DPP10: variants seen among roughly 807,000 people sequenced by gnomAD.
DPP10 encodes inactive dipeptidyl peptidase 10.
DPP10 carries 33 observed loss-of-function variants against 120.9 expected under a neutral mutation model. The observed-to-expected ratio is 0.27, with a 90% CI of 0.21 to 0.37. The LOEUF is 0.37. Ranked by LOEUF, DPP10 falls within the 10% of genes least tolerant of loss-of-function variation. The pLI is 1.00. For synonymous variants in DPP10, 337 were observed against 326.1 expected (o/e 1.03, Z -0.36); for missense variants, 816 against 942.8 (o/e 0.87, Z 1.76).
intron 2 of DPP10, among the ~76,000 whole-genome samples, chr2:115,334,696 C>T (rs1267685684): frequency 1.3e-5 from 2 of 151,768 alleles, no homozygotes; most frequent in African/African-American, 2.4e-5. Context: ...AGAGATATTT[C>T]AAGAGAATGA....
At chr2:115,040,646 G>A (rs1317924919) in intron 1 of DPP10, among the ~76,000 whole-genome samples, 1 of 151,896 alleles carries the variant, frequency 6.6e-6, no homozygotes, top group Non-Finnish European at 1.5e-5. Context: ...GGGGCCTGGT[G>A]GGAGGTGACT....
chr2:114,547,354 G>C (rs949696941), intron 1 of DPP10, among the ~76,000 whole-genome samples: 2 of 152,186 alleles, frequency 1.3e-5, no homozygotes, highest in African/African-American at 2.4e-5. Flanking sequence ...GGCATGGGAG[G>C]CATCGGGGTT....
chr2:114,587,827 A>T (rs1438085846), intron 1 of DPP10, among the ~76,000 whole-genome samples: 1 of 152,224 alleles, frequency 6.6e-6, no homozygotes, highest in Non-Finnish European at 1.5e-5. Flanking sequence ...TAAACTAAAA[A>T]TACTAGAAAC....
At chr2:115,798,770 C>T (rs1361744083) in intron 19 of DPP10, among the ~76,000 whole-genome samples, 2 of 152,122 alleles carry the variant, frequency 1.3e-5, no homozygotes, top group Non-Finnish European at 2.9e-5. Context: ...TTTTAATCAA[C>T]GTTTTGATTT....
intron 1 of DPP10, among the ~76,000 whole-genome samples, chr2:115,051,132 C>G (rs1705448563): frequency 6.6e-6 from 1 of 152,120 alleles, no homozygotes; most frequent in Admixed American, 6.6e-5. Context: ...ATTCCATGCA[C>G]AGGAAAAGAA....
At chr2:115,368,672 G>T (rs555513287) in intron 3 of DPP10, among the ~76,000 whole-genome samples, 9 of 151,666 alleles carry the variant, frequency 5.9e-5, no homozygotes, top group African/African-American at 1.9e-4. Flanking sequence ...GTTTTTTCAC[G>T]ATCAAGTGAC....
At chr2:115,108,647 G>GA (rs983080131) in intron 1 of DPP10, among the ~76,000 whole-genome samples, 1 of 151,176 alleles carries the variant, frequency 6.6e-6, no homozygotes, top group African/African-American at 2.4e-5. Flanking sequence ...ACCAAAGTCT[G>GA]AAAAAAAAAT....
chr2:114,796,260 C>T (rs1683702443), intron 1 of DPP10, among the ~76,000 whole-genome samples: 1 of 152,118 alleles, frequency 6.6e-6, no homozygotes, highest in Admixed American at 6.6e-5. Flanking sequence ...AATGTCATGA[C>T]ATTACAAGAA....
chr2:115,342,201 G>C (rs948928494), intron 2 of DPP10: 11 of 448,162 alleles, frequency 2.5e-5, no homozygotes, highest in Admixed American at 1.9e-4. Context: ...GTGTGTGTGT[G>C]TGTAATTTGT....
At chr2:114,928,178 C>T (rs1230990866) in intron 1 of DPP10, among the ~76,000 whole-genome samples, 1 of 152,224 alleles carries the variant, frequency 6.6e-6, no homozygotes, top group African/African-American at 2.4e-5. Flanking sequence ...CTCCAATAGG[C>T]CTCCAAAGTC....
intron 1 of DPP10, among the ~76,000 whole-genome samples, chr2:114,455,180 G>A (rs919308551): frequency 9.2e-5 from 14 of 151,826 alleles, no homozygotes; most frequent in African/African-American, 1.5e-4. Flanking sequence ...GTGTGTGTGT[G>A]TGTGTGTTTG....
At chr2:115,725,338 T>G (rs776659511) in intron 7 of DPP10, among the ~76,000 whole-genome samples, 1 of 152,152 alleles carries the variant, frequency 6.6e-6, no homozygotes, top group Non-Finnish European at 1.5e-5. Flanking sequence ...AGGATAAACT[T>G]TGATAATTGA....
intron 2 of DPP10, among the ~76,000 whole-genome samples, chr2:115,337,609 G>C (rs1215365603): frequency 7.2e-6 from 1 of 138,476 alleles, no homozygotes; most frequent in Non-Finnish European, 1.5e-5. Flanking sequence ...AGGATTGGTT[G>C]CAAGGAATGA....
intron 1 of DPP10, among the ~76,000 whole-genome samples, chr2:115,230,389 A>C (rs1273254693): frequency 1.3e-5 from 2 of 151,918 alleles, no homozygotes; most frequent in Non-Finnish European, 2.9e-5. Flanking sequence ...TTTTCTTTCC[A>C]AGTTGAATGC....
At chr2:115,441,836 T>G (rs537371121) in intron 3 of DPP10, among the ~76,000 whole-genome samples, 3,643 of 141,184 alleles carry the variant, frequency 0.026, 30 homozygotes, top group Non-Finnish European at 0.038. Context: ...TTTTTTTTTT[T>G]GACAGAGTCT....
intron 1 of DPP10, among the ~76,000 whole-genome samples, chr2:114,556,805 G>A (rs536902776): frequency 1.3e-5 from 2 of 152,258 alleles, no homozygotes; most frequent in East Asian, 3.9e-4. Flanking sequence ...AGAAAACTGA[G>A]TGTAGCATAG....
At chr2:115,763,457 C>G (rs755937919) in intron 12 of DPP10, among the ~76,000 whole-genome samples, 4 of 152,082 alleles carry the variant, frequency 2.6e-5, no homozygotes, top group Non-Finnish European at 5.9e-5. Context: ...TAATTTTTAT[C>G]TTAGGACTCA....
At chr2:115,089,093 T>A (rs565483796) in intron 1 of DPP10, among the ~76,000 whole-genome samples, 8 of 152,290 alleles carry the variant, frequency 5.3e-5, no homozygotes, top group African/African-American at 1.7e-4. Context: ...GCCCGCAAAC[T>A]TCTTGACATC....
chr2:115,099,972 A>G (rs1559094299), intron 1 of DPP10, among the ~76,000 whole-genome samples: 1 of 152,224 alleles, frequency 6.6e-6, no homozygotes, highest in East Asian at 1.9e-4. Context: ...TCCATTGTAC[A>G]ATGGTTCTGA....
Sources: allele counts gnomAD v4.1 joint callset (sites outside exome capture counted in the v4.1 genomes callset), GRCh38; gene constraint gnomAD v4.1.1; transcripts MANE v1.5; gene names NCBI Gene and HGNC (gene_info 2026-07-23, HGNC 2026-07-21).